Variants in CD163 observed in about 807,000 individuals in gnomAD.
CD163 encodes scavenger receptor cysteine-rich type 1 protein M130.
CD163 carries 64 observed loss-of-function variants against 129.2 expected under a neutral mutation model. That is an observed-to-expected ratio of 0.50 (90% CI 0.41 to 0.61). CD163 has a LOEUF of 0.61. CD163 is among the 20% of genes least tolerant of loss of function. The pLI, the probability that CD163 is intolerant of heterozygous loss-of-function variation, is 0.00. For missense variants in CD163, 1,061 were observed against 1,377.9 expected, an observed-to-expected ratio of 0.77 and a Z score of 3.64; for synonymous variants, 446 against 478.5, an observed-to-expected ratio of 0.93 and a Z score of 0.89.
At position 7,501,102 on chromosome 12, in the gene CD163, G is replaced by A. The variant is rs187338721; in HGVS notation, c.457+37C>T. 4.4e-5 allele frequency: 69 copies of A among 1,580,562 alleles called. No homozygotes were observed. In the Admixed American group the frequency reaches 6.3e-4, roughly 15 times the overall value. ...ATCTACATATTTTTTTCCCACCAAG[G>A]ATTTTGTGTTGAGGCTTTGACTAAT... On this transcript the variant is annotated intron_variant, in intron 3 of 16. Transcript: ENST00000432237.
rs1238810155 is a variant in CD163 at position 7,495,259 on chromosome 12, C to T, written c.1242G>A (p.Leu414=). The T allele has an allele frequency of 6.2e-7, 1 of 1,614,108 alleles. No individual in the cohort carries two copies. Among genetic ancestry groups the T allele is most frequent in the Admixed American group, 1.7e-5 (1 of 60,012 alleles). ...LKEADVVCRQ[L]GCGSALKTSY... is the part of the protein sequence containing the mutation. ...ATGTTTTGAGTGCAGATCCACATCCCAGCTGCCTGCAAACCACATCAGCTT... is the reference window on the plus strand; with the variant it reads ...ATGTTTTGAGTGCAGATCCACATCCTAGCTGCCTGCAAACCACATCAGCTT... Residue 414 remains leucine (L), a synonymous_variant, in exon 6 of 17, where the codon CTG becomes CTA. Transcript: ENST00000432237.
chr12:7,500,112 G>C (rs1592012551), intron 3 of CD163, among the ~76,000 whole-genome samples: 2 of 151,998 alleles, frequency 1.3e-5, no homozygotes, highest in East Asian at 3.9e-4. Context: ...TGGGAGGTGA[G>C]AGGATTGTAT....
rs373326240 is a variant in CD163 at position 7,479,954 on chromosome 12, A to G, written c.3344-41T>C. ...AATAGGAAGAAATTTAGACACAGAA[A>G]TTAGTTCAGCAGCACTGAAATCAGC... On this transcript the variant is annotated intron_variant, in intron 15 of 16. Transcript: ENST00000432237. The G allele has an allele frequency of 1.4e-5, 23 of 1,612,644 alleles. No homozygotes were observed. The African/African-American group carries it at 1.6e-4, about 11-fold the overall frequency.
At chr12:7,494,288 T>C (rs1949368731) in intron 6 of CD163, among the ~76,000 whole-genome samples, 1 of 152,250 alleles carries the variant, frequency 6.6e-6, no homozygotes, top group African/African-American at 2.4e-5. Context: ...TTCAAATTTA[T>C]ATCTTAAATG....
chr12:7,479,201 T>C (rs1206697586), intron 16 of CD163, among the ~76,000 whole-genome samples: 1 of 152,128 alleles, frequency 6.6e-6, no homozygotes, highest in African/African-American at 2.4e-5. Context: ...CTCTTCATAT[T>C]ACCACCTATA....
intron 14 of CD163, 140 bp downstream of exon 14, chr12:7,482,503 C>A: frequency 1.1e-6 from 1 of 891,878 alleles, no homozygotes; most frequent in South Asian, 1.8e-5. Context: ...TGTGCCTGGC[C>A]CTTCCCTCTG....
intron 6 of CD163, 75 bp from the exon 7 acceptor site, chr12:7,488,162 T>C: frequency 7.0e-7 from 1 of 1,428,434 alleles, no homozygotes; most frequent in Non-Finnish European, 9.4e-7. Flanking sequence ...GTGAAGAAGG[T>C]GGTGTGGAGT....
intron 12 of CD163, 102 bp downstream of exon 12, chr12:7,483,265 A>T: frequency 9.3e-7 from 1 of 1,070,174 alleles, no homozygotes; most frequent in Non-Finnish European, 1.3e-6. Context: ...TCCCCACCAG[A>T]TCCCTGTGCT....
intron 6 of CD163, among the ~76,000 whole-genome samples, chr12:7,489,414 T>C (rs187903415): frequency 1.9e-3 from 287 of 152,290 alleles, no homozygotes; most frequent in African/African-American, 6.6e-3. Context: ...ATGTTTTTCC[T>C]TTAGATGACT....
intron 16 of CD163, among the ~76,000 whole-genome samples, chr12:7,478,443 C>A (rs1949117389): frequency 6.6e-6 from 1 of 151,948 alleles, no homozygotes; most frequent in Admixed American, 6.6e-5. Flanking sequence ...AATTTCAATC[C>A]TCCAGACATT....
In CD163 at chr12:7,485,427, A is replaced by G. The variant is rs752362973; in HGVS notation, c.2459-11T>C. 1 of 1,602,702 alleles carries G rather than the reference A, an allele frequency of 6.2e-7. No homozygotes were observed. The highest frequency in any genetic ancestry group is 8.5e-7 in the Non-Finnish European group (1 of 1,171,768). The stretch of plus-strand genomic sequence containing the variant: ...TCAGAGACATGAATTCTGCAGCGAA[A>G]CATAGAATTAGTAGTTTTGCATCTT... On this transcript the variant is annotated splice_polypyrimidine_tract_variant and intron_variant, in intron 10 of 16. Transcript: ENST00000432237. The surrounding 1 kb of genome is among the most constrained non-coding windows in gnomAD (Gnocchi z 4.5).
intron 1 of CD163, chr12:7,502,779 G>A (rs909471419): frequency 1.5e-5 from 9 of 589,104 alleles, no homozygotes; most frequent in African/African-American, 1.1e-4. Context: ...GCAACCTAGA[G>A]GTGACGGATT....
intron 6 of CD163, among the ~76,000 whole-genome samples, 200 bp downstream of exon 6, chr12:7,494,881 A>C (rs1423247466): frequency 6.6e-6 from 1 of 152,224 alleles, no homozygotes; most frequent in Non-Finnish European, 1.5e-5. Context: ...TCAAAAACCA[A>C]AGTGAGCAAA....
chr12:7,490,130 C>T (rs927314476), intron 6 of CD163, among the ~76,000 whole-genome samples: 1 of 151,832 alleles, frequency 6.6e-6, no homozygotes. Flanking sequence ...ATGTATTAGA[C>T]ATAAAACTAA....
chr12:7,482,721 G>A lies in CD163; in HGVS notation c.3169C>T (p.Leu1057Phe). The change falls in exon 14 of 17, where the codon CTT becomes TTT. Residue 1057 changes from leucine (L) to phenylalanine (F), a missense_variant. Physicochemically the swap from Leu to Phe is conservative, Grantham distance 22. Transcript: ENST00000432237. Reference sequence around the variant, plus strand: ...AAAATGGCCAACAGAACAACCCCAAGGATCCCGACTGCAATAAAGGATGAC... The same window carrying A: ...AAAATGGCCAACAGAACAACCCCAAAGATCCCGACTGCAATAAAGGATGAC... The part of the protein sequence containing the change: ...RQSSFIAVGI[L>F]GVVLLAIFVA... The A allele has an allele frequency of 1.9e-6, 3 of 1,614,076 alleles. No homozygotes were observed. The highest frequency in any genetic ancestry group is 2.5e-6 in the Non-Finnish European group (3 of 1,179,964).
chr12:7,500,959 AT>A (rs1163706825), intron 3 of CD163, among the ~76,000 whole-genome samples, 179 bp downstream of exon 3: 5 of 151,978 alleles, frequency 3.3e-5, no homozygotes, highest in African/African-American at 1.2e-4. Flanking sequence ...AGTGTTCAGA[AT>A]TTTTTTTATT....
chr12:7,481,543 C>G (rs934881793), intron 14 of CD163, among the ~76,000 whole-genome samples: 20 of 152,170 alleles, frequency 1.3e-4, no homozygotes, highest in Admixed American at 1.2e-3. Flanking sequence ...TTAAGTATCT[C>G]TAAAAGTCTT....
Position 7,483,094 on chromosome 12 carries a change from C to G in CD163, c.3089-90G>C. The G allele has an allele frequency of 1.3e-5, 17 of 1,269,402 alleles. No individual in the cohort carries two copies. The South Asian group carries it at 2.0e-4, about 15-fold the overall frequency. The allele number at this position is 1,269,402 out of a possible 1,614,324, so 78.6% of individuals were successfully genotyped here. On this transcript the variant is annotated intron_variant, in intron 12 of 16. Transcript: ENST00000432237. ...TTCCTTGTCTGACCCCTTAGTACCT[C>G]TCAACCAAGTATATGACTCTTTCCC...
In CD163 at chr12:7,503,669, G is replaced by T; in HGVS notation, c.22C>A (p.Leu8Ile). 1 of 1,602,910 alleles carries T rather than the reference G, an allele frequency of 6.2e-7. No individual in the cohort carries two copies. Among genetic ancestry groups the T allele is most frequent in the Non-Finnish European group, 8.5e-7 (1 of 1,172,144 alleles). ...CCAGCAGATCCAGAGTCTTCAAGTA[G>T]CACCATTCTGAGTTTGCTCATTCCA... Reference protein sequence around the residue: MSKLRMVLLEDSGSADFR... With the variant: MSKLRMVILEDSGSADFR... Residue 8 changes from leucine to isoleucine, a missense_variant, in exon 1 of 17, where the codon CTA (leucine) becomes ATA (isoleucine). Transcript: ENST00000432237.
Sources: allele counts gnomAD v4.1 joint callset (sites outside exome capture counted in the v4.1 genomes callset), GRCh38; gene constraint gnomAD v4.1.1; non-coding constraint Gnocchi (gnomAD v3.1); transcripts MANE v1.5; gene names NCBI Gene and HGNC (gene_info 2026-07-23, HGNC 2026-07-21).